Variants in ANO4 observed in about 807,000 individuals in gnomAD.
The protein encoded by ANO4 is anoctamin-4.
ANO4 carries 69 observed loss-of-function variants against 141.9 expected under a neutral mutation model. That is an observed-to-expected ratio of 0.49 (90% confidence interval 0.40 to 0.59). The LOEUF is 0.59. Ranked by LOEUF, ANO4 falls within the 20% of genes least tolerant of loss-of-function variation. The pLI is 0.00. For missense variants in ANO4, 894 were observed against 1,162.2 expected (o/e 0.77, Z 3.36); for synonymous variants, 350 against 394.3 (o/e 0.89, Z 1.33).
intron 2 of ANO4, among the ~76,000 whole-genome samples, chr12:100,912,411 AAAAAAG>A (rs1254941599): frequency 1.4e-4 from 13 of 89,874 alleles, no homozygotes; most frequent in African/African-American, 4.4e-4. Context: ...AAAAAAAAAG[AAAAAAG>A]AAAAAAAAAA....
rs78216926 is a variant in ANO4 at position 100,800,026 on chromosome 12, G to A, written c.-141+4999G>A. On this transcript the variant is annotated intron_variant, in intron 1 of 27. Transcript: ENST00000392977. ...TCTGGGTTCATTTCATGCAGATTACGTGGCTGTACCAGTCAGAGTGAGTCA... is the reference window on the plus strand; with the variant it reads ...TCTGGGTTCATTTCATGCAGATTACATGGCTGTACCAGTCAGAGTGAGTCA... Among the ~76,000 whole-genome samples the A allele has an allele frequency of 5.9e-5, 9 of 152,254 alleles. No homozygotes were observed. The East Asian group carries it at 9.7e-4, about 16-fold the overall frequency.
intron 1 of ANO4, among the ~76,000 whole-genome samples, chr12:100,807,462 A>G (rs2035130304): frequency 6.6e-6 from 1 of 152,044 alleles, no homozygotes; most frequent in African/African-American, 2.4e-5. Flanking sequence ...TGATCTTCCT[A>G]CATGTTTATT....
Position 100,925,858 on chromosome 12 carries a change from TA to T in ANO4, c.160+3529del, listed in dbSNP as rs560507638. ...ACATACATATATATACACACACACA[TA>T]TATATATATATGAGACCTTCAAGAT... On this transcript the variant is annotated intron_variant, in intron 3 of 27. Coordinates refer to ENST00000392977, the MANE Select transcript of ANO4 (RefSeq NM_001286615.2). Among the ~76,000 whole-genome samples the T allele has an allele frequency of 1.1e-3, 148 of 139,878 alleles. 1 individual carries two copies. The East Asian group carries it at 0.025, about 23-fold the overall frequency. The allele number at this position is 139,878 out of a possible 152,430, so 91.8% of individuals were successfully genotyped here.
At chr12:100,842,316 C>G (rs1385673089) in intron 1 of ANO4, 2 of 151,892 alleles carry the variant, frequency 1.3e-5, no homozygotes, top group Non-Finnish European at 2.9e-5. Context: ...GAAGCCTGAA[C>G]CCCTCAGAAA....
At chr12:101,003,415 A>G (rs576092912) in intron 8 of ANO4, among the ~76,000 whole-genome samples, 137 of 152,246 alleles carry the variant, frequency 9.0e-4, no homozygotes, top group Non-Finnish European at 1.2e-3. Flanking sequence ...TCTGTGTGCC[A>G]AAACAAGCCT....
At chr12:100,765,641 G>C (rs2033044168) in intron 3 of ANO4, among the ~76,000 whole-genome samples, 1 of 149,574 alleles carries the variant, frequency 6.7e-6, no homozygotes, top group South Asian at 2.1e-4. Context: ...CTCCCAGAAT[G>C]CTAGGAATTC....
intron 14 of ANO4, chr12:101,068,720 C>T (rs1185804945): frequency 9.2e-6 from 12 of 1,298,268 alleles, no homozygotes; most frequent in Non-Finnish European, 1.3e-5. Context: ...GACAAAATGA[C>T]CAGATCTCAT....
At chr12:100,877,321 A>G (rs1453062310) in intron 1 of ANO4, among the ~76,000 whole-genome samples, 12 of 151,660 alleles carry the variant, frequency 7.9e-5, no homozygotes. Context: ...TGGATATACT[A>G]ATTAGCTTGA....
intron 25 of ANO4, among the ~76,000 whole-genome samples, chr12:101,118,717 T>C (rs1038531230): frequency 3.9e-5 from 6 of 152,150 alleles, no homozygotes; most frequent in African/African-American, 1.4e-4. Context: ...TCTTTTTATT[T>C]ATTTATTTAT....
intron 3 of ANO4, among the ~76,000 whole-genome samples, chr12:100,769,532 A>G (rs1478641852): frequency 1.3e-5 from 2 of 152,192 alleles, no homozygotes; most frequent in Non-Finnish European, 2.9e-5. Context: ...TATTTGTGAA[A>G]TGAGGCTGTT....
intron 1 of ANO4, among the ~76,000 whole-genome samples, chr12:100,879,340 G>T (rs1424461097): frequency 2.0e-5 from 3 of 152,134 alleles, no homozygotes; most frequent in African/African-American, 7.2e-5. Context: ...CAGTGTGGAG[G>T]TTAGATTCAA....
intron 5 of ANO4, among the ~76,000 whole-genome samples, chr12:100,946,443 C>G (rs1320725882): frequency 2.6e-5 from 4 of 152,004 alleles, no homozygotes; most frequent in Non-Finnish European, 5.9e-5. Flanking sequence ...CTTGGTCAAG[C>G]ACATAGAAGA....
intron 8 of ANO4, among the ~76,000 whole-genome samples, chr12:100,999,262 T>C (rs1372505879): frequency 6.6e-6 from 1 of 152,244 alleles, no homozygotes; most frequent in Non-Finnish European, 1.5e-5. Context: ...CTTTGCCTTT[T>C]CTAATTTCTG....
At chr12:100,718,211 T>C (rs1277185502) in intron 1 of ANO4, among the ~76,000 whole-genome samples, 1 of 152,214 alleles carries the variant, frequency 6.6e-6, no homozygotes, top group Non-Finnish European at 1.5e-5. Context: ...AATCACTGTG[T>C]GAAGGTTTCA....
At chr12:101,121,861 C>A (rs2051110737) in intron 26 of ANO4, among the ~76,000 whole-genome samples, 1 of 148,140 alleles carries the variant, frequency 6.8e-6, no homozygotes, top group African/African-American at 2.5e-5. Context: ...CTCCCAGGTT[C>A]AAGTAATTCT....
At chr12:100,958,324 T>A (rs2043263092) in intron 5 of ANO4, among the ~76,000 whole-genome samples, 1 of 152,202 alleles carries the variant, frequency 6.6e-6, no homozygotes, top group African/African-American at 2.4e-5. Context: ...ACTTTCTTCC[T>A]CCCTCTTTTC....
chr12:101,048,371 G>A lies in ANO4; in HGVS notation c.1282G>A (p.Val428Ile), dbSNP rs1331205557. The change falls in exon 14 of 28, where the codon GTC becomes ATC. Residue 428 changes from valine to isoleucine, a missense_variant. Physicochemically the swap from Val to Ile is conservative, Grantham distance 29 (BLOSUM62 3). This residue lies in a region of ANO4 where 637 missense variants were observed against 909.2 expected (regional missense o/e 0.70). Coordinates refer to ENST00000392977, the MANE Select transcript of ANO4 (RefSeq NM_001286615.2). ...VTHLFDNGAT[V>I]FFAVFMAVWA... ...CCACCTTTTTGACAATGGAGCCACT[G>A]TCTTCTTTGCTGTTTTCATGGCAGT... is the stretch of plus-strand genomic sequence containing the variant. 7 of 1,613,782 alleles carry A rather than the reference G, an allele frequency of 4.3e-6. No individual in the cohort carries two copies. Among genetic ancestry groups the A allele is most frequent in the Middle Eastern group, 1.7e-4 (1 of 6,056 alleles).
intron 1 of ANO4, among the ~76,000 whole-genome samples, chr12:100,854,996 AT>A (rs963264733): frequency 6.6e-6 from 1 of 150,816 alleles, no homozygotes; most frequent in Non-Finnish European, 1.5e-5. Flanking sequence ...TCCCAAGTTC[AT>A]TTTTTTTTCT....
intron 8 of ANO4, among the ~76,000 whole-genome samples, chr12:100,999,191 G>C (rs1566109123): frequency 6.6e-6 from 1 of 152,196 alleles, no homozygotes; most frequent in Non-Finnish European, 1.5e-5. Context: ...TGCAACATGG[G>C]TGACACTGAG....
Sources: gnomAD v4.1 joint callset for allele counts (sites outside exome capture counted in the v4.1 genomes callset) on GRCh38, gnomAD v4.1.1 for gene constraint, gnomAD v4.1.1 regional missense constraint, MANE v1.5 for transcripts, NCBI Gene and HGNC (gene_info 2026-07-23, HGNC 2026-07-21) for gene names.